Variants in EGFR observed in about 807,000 individuals in gnomAD.
The protein encoded by EGFR is epidermal growth factor receptor.
In EGFR, 58 loss-of-function variants were observed where a neutral mutation model predicts 143.0. The ratio of observed to expected loss-of-function variants is 0.41; its 90% CI spans 0.33 to 0.50. The LOEUF is 0.50. EGFR is among the 20% of genes least tolerant of loss of function. The pLI, the probability that EGFR is intolerant of heterozygous loss-of-function variation, is 0.39. For synonymous variants in EGFR, 613 were observed against 594.4 expected, an observed-to-expected ratio of 1.03 and a Z score of -0.45; for missense variants, 1,307 against 1,579.0, an observed-to-expected ratio of 0.83 and a Z score of 2.92.
chr7:55,160,648 C>T (rs981729486), intron 12 of EGFR, among the ~76,000 whole-genome samples: 1 of 152,196 alleles, frequency 6.6e-6, no homozygotes, highest in African/African-American at 2.4e-5. Context: ...CTCATTTCAG[C>T]CTGTAAAGAC....
chr7:55,071,204 G>T (rs1012428967), intron 1 of EGFR, among the ~76,000 whole-genome samples: 9 of 152,208 alleles, frequency 5.9e-5, no homozygotes, highest in Non-Finnish European at 1.0e-4. Context: ...GAGCTGGAAG[G>T]CTTCTGCCCC....
At chr7:55,037,496 C>A (rs1460974738) in intron 1 of EGFR, among the ~76,000 whole-genome samples, 1 of 152,222 alleles carries the variant, frequency 6.6e-6, no homozygotes, top group Non-Finnish European at 1.5e-5. Flanking sequence ...GCACTCTTCA[C>A]AGCTTCCTCA....
intron 1 of EGFR, among the ~76,000 whole-genome samples, chr7:55,079,694 A>G (rs905743343): frequency 3.3e-5 from 5 of 151,918 alleles, no homozygotes; most frequent in African/African-American, 1.2e-4. Context: ...GCCCCACCCT[A>G]GGCCCGGGCC....
intron 2 of EGFR, among the ~76,000 whole-genome samples, 177 bp downstream of exon 2, chr7:55,142,614 A>G (rs1794523095): frequency 6.6e-6 from 1 of 152,242 alleles, no homozygotes. Flanking sequence ...TCAAGTAATA[A>G]CTAGAAAAGG....
intron 14 of EGFR, 92 bp from the exon 15 acceptor site, chr7:55,165,188 C>A: frequency 1.9e-6 from 3 of 1,586,072 alleles, no homozygotes; most frequent in South Asian, 2.2e-5. Flanking sequence ...TCCCCACTCA[C>A]ACACACTAAA....
intron 3 of EGFR, among the ~76,000 whole-genome samples, chr7:55,144,198 C>A (rs565988927): frequency 3.8e-4 from 58 of 152,338 alleles, no homozygotes; most frequent in African/African-American, 1.3e-3. Context: ...GGCATCCTAT[C>A]TGGCTGGACC....
At chr7:55,166,539 G>A (rs1785989594) in intron 15 of EGFR, among the ~76,000 whole-genome samples, 1 of 152,252 alleles carries the variant, frequency 6.6e-6, no homozygotes, top group Admixed American at 6.5e-5. Context: ...GGTGAATACT[G>A]AGTCAATGAT....
Position 55,165,336 on chromosome 7 carries a change from G to A in EGFR, c.1779G>A (p.Lys593=), listed in dbSNP as rs756307243. 6 of 1,614,058 alleles carry A rather than the reference G, an allele frequency of 3.7e-6. No individual in the cohort carries two copies. The highest frequency in any genetic ancestry group is 5.1e-6 in the Non-Finnish European group (6 of 1,180,052). The change falls in exon 15 of 28, where the codon AAG becomes AAA. Residue 593 remains lysine (K), a synonymous_variant. Transcript: ENST00000275493. ...ACATTGACGGCCCCCACTGCGTCAA[G>A]ACCTGCCCGGCAGGAGTCATGGGAG... ...AHYIDGPHCV[K]TCPAGVMGEN...
chr7:55,125,785 G>A (rs796929250), intron 1 of EGFR, among the ~76,000 whole-genome samples: 33 of 152,242 alleles, frequency 2.2e-4, no homozygotes, highest in African/African-American at 6.7e-4. Flanking sequence ...TCACAGACAC[G>A]CCCACTTCCA....
At chr7:55,045,417 A>G (rs1297905677) in intron 1 of EGFR, among the ~76,000 whole-genome samples, 2 of 152,216 alleles carry the variant, frequency 1.3e-5, no homozygotes, top group Admixed American at 6.5e-5. Flanking sequence ...TTGCTTTTCT[A>G]TGACAGGTTT....
At chr7:55,029,089 G>C (rs1409479650) in intron 1 of EGFR, among the ~76,000 whole-genome samples, 1 of 152,146 alleles carries the variant, frequency 6.6e-6, no homozygotes, top group African/African-American at 2.4e-5. Context: ...AACCTGGAAG[G>C]CAGGGGTTGC....
At chr7:55,102,953 G>A (rs1791913128) in intron 1 of EGFR, among the ~76,000 whole-genome samples, 1 of 152,190 alleles carries the variant, frequency 6.6e-6, no homozygotes, top group South Asian at 2.1e-4. Context: ...TTCAGACAAT[G>A]TAATAAGAAG....
At chr7:55,085,343 C>A (rs1310253679) in intron 1 of EGFR, among the ~76,000 whole-genome samples, 1 of 152,176 alleles carries the variant, frequency 6.6e-6, no homozygotes, top group Non-Finnish European at 1.5e-5. Context: ...GTGGCTCCTG[C>A]ATGCTTCATC....
At chr7:55,127,767 C>T (rs1009366937) in intron 1 of EGFR, among the ~76,000 whole-genome samples, 1 of 152,180 alleles carries the variant, frequency 6.6e-6, no homozygotes, top group African/African-American at 2.4e-5. Context: ...TTTTTCCCTT[C>T]TCTGGTTACT....
intron 1 of EGFR, among the ~76,000 whole-genome samples, chr7:55,020,514 T>C (rs983724783): frequency 1.3e-5 from 2 of 152,052 alleles, no homozygotes; most frequent in African/African-American, 4.8e-5. Flanking sequence ...ATGTCTCTTT[T>C]TGCTGTTTGA....
At chr7:55,078,142 C>T (rs1049257339) in intron 1 of EGFR, among the ~76,000 whole-genome samples, 8 of 152,148 alleles carry the variant, frequency 5.3e-5, no homozygotes, top group Non-Finnish European at 8.8e-5. Flanking sequence ...TGCCGTGTTC[C>T]TGTCCTGGGG....
chr7:55,193,861 A>C (rs1787505886), intron 22 of EGFR, among the ~76,000 whole-genome samples: 1 of 152,222 alleles, frequency 6.6e-6, no homozygotes, highest in Non-Finnish European at 1.5e-5. Context: ...TTCCAAATAC[A>C]TACACATTTT....
Position 55,072,669 on chromosome 7 carries a change from T to A in EGFR, c.88+53304T>A, listed in dbSNP as rs79888718. Among the ~76,000 whole-genome samples the A allele has an allele frequency of 3.6e-3, 552 of 152,360 alleles. 8 individuals carry two copies. In the East Asian group the frequency reaches 0.04, roughly 11 times the overall value. On this transcript the variant is annotated intron_variant, in intron 1 of 27. Coordinates refer to ENST00000275493, the MANE Select transcript of EGFR (RefSeq NM_005228.5). ...ACCAACAGTGGTAGTCCCATCATTT[T>A]ATTACTGCTTGTCGTAGCACAAGCA...
intron 1 of EGFR, among the ~76,000 whole-genome samples, chr7:55,116,935 G>A (rs1238118251): frequency 6.6e-6 from 1 of 152,128 alleles, no homozygotes; most frequent in Non-Finnish European, 1.5e-5. Context: ...CTCTTTTCTT[G>A]CAGTTACAAG....
Sources: allele counts gnomAD v4.1 joint callset (sites outside exome capture counted in the v4.1 genomes callset), GRCh38; gene constraint gnomAD v4.1.1; transcripts MANE v1.5; gene names NCBI Gene and HGNC (gene_info 2026-07-23, HGNC 2026-07-21).